GALK2: variants seen among roughly 807,000 people sequenced by gnomAD.
The protein encoded by GALK2 is galactokinase 2, also known as N-acetylgalactosamine kinase.
Under a neutral mutation model 52.4 loss-of-function variants are expected in GALK2, and 36 were observed. The ratio of observed to expected loss-of-function variants is 0.69; its 90% CI spans 0.53 to 0.91. The LOEUF (loss-of-function observed/expected upper bound fraction) is 0.91, where lower values mean the gene tolerates loss of function less well. Among genes scored for constraint, GALK2 ranks in the 40% least tolerant of loss-of-function variants. The pLI is 0.00. For missense variants in GALK2, 579 were observed against 559.1 expected (o/e 1.04, Z -0.36); for synonymous variants, 176 against 199.1 (o/e 0.88, Z 0.98).
rs775325553 is a variant in GALK2 at position 49,201,165 on chromosome 15, A to T, written c.57A>T (p.Leu19Phe). 6.3e-7 allele frequency: 1 copy of T among 1,578,422 alleles called. No individual in the cohort carries two copies. The highest frequency in any genetic ancestry group is 1.3e-5 in the African/African-American group (1 of 74,118). The change falls in exon 2 of 10, where the codon TTA becomes TTT. Residue 19 changes from leucine (L) to phenylalanine (F), a missense_variant. Coordinates refer to ENST00000560031, the MANE Select transcript of GALK2 (RefSeq NM_002044.4). ...AATATTGTACTTTTATTTTCAGGTT[A>T]CTGAAGCTAAAGGAGATGTTTAACT... ...RRVQVAEHPR[L>F]LKLKEMFNSK...
intron 3 of GALK2, among the ~76,000 whole-genome samples, chr15:49,340,424 CT>C (rs1391682987): frequency 7.7e-6 from 1 of 129,952 alleles, no homozygotes; most frequent in African/African-American, 2.9e-5. Context: ...CCCCCCCCCG[CT>C]TTGCCTCGCC....
At chr15:49,262,269 A>G (rs574119125) in intron 5 of GALK2, among the ~76,000 whole-genome samples, 3 of 152,270 alleles carry the variant, frequency 2.0e-5, no homozygotes, top group Admixed American at 1.3e-4. Flanking sequence ...CTTTTCAGAG[A>G]TTCAACTTCT....
At chr15:49,340,943 T>C (rs2040631872) in intron 3 of GALK2, among the ~76,000 whole-genome samples, 2 of 152,336 alleles carry the variant, frequency 1.3e-5, no homozygotes, top group African/African-American at 4.8e-5. Context: ...TTTTTGTATA[T>C]GATGAAAGGA....
intron 9 of GALK2, chr15:49,327,089 C>A (rs1012107515): frequency 6.6e-6 from 1 of 152,150 alleles, no homozygotes; most frequent in Non-Finnish European, 1.5e-5. Flanking sequence ...GCTAAGTGAT[C>A]TGTGTACATT....
At chr15:49,208,010 TG>T (rs1372642141) in intron 2 of GALK2, among the ~76,000 whole-genome samples, 3 of 152,202 alleles carry the variant, frequency 2.0e-5, no homozygotes, top group Non-Finnish European at 2.9e-5. Context: ...TGACCTCAGG[TG>T]GTCCACCCGC....
In GALK2 at chr15:49,218,435, C is replaced by T. The variant is rs138391777; in HGVS notation, c.266+1122C>T. On this transcript the variant is annotated intron_variant, in intron 3 of 9. Coordinates refer to ENST00000560031, the MANE Select transcript of GALK2 (RefSeq NM_002044.4). ...AATAATGAATATGTGGTTTCAGTTTCGTTTTTCACAAAAGTAGATCCTGAG... is the reference window on the plus strand; with the variant it reads ...AATAATGAATATGTGGTTTCAGTTTTGTTTTTCACAAAAGTAGATCCTGAG... 1.9e-3 allele frequency among the ~76,000 whole-genome samples: 283 copies of T among 152,200 alleles called. 2 individuals are homozygous for T. The highest frequency in any genetic ancestry group is 6.3e-3 in the African/African-American group (261 of 41,536).
At chr15:49,196,840 A>G (rs1271372002) in intron 1 of GALK2, among the ~76,000 whole-genome samples, 1 of 152,246 alleles carries the variant, frequency 6.6e-6, no homozygotes, top group Non-Finnish European at 1.5e-5. Flanking sequence ...ATTAAGAAAT[A>G]TCCTTCTGGT....
upstream of GALK2, chr15:49,170,040 G>A (rs2084956600): frequency 6.3e-6 from 3 of 478,126 alleles, no homozygotes; most frequent in South Asian, 3.0e-5. Context: ...CGTGCTCTGC[G>A]CAGGGGCTCC....
chr15:49,354,892 T>G (rs1254909525), intron 3 of GALK2, among the ~76,000 whole-genome samples: 2 of 152,070 alleles, frequency 1.3e-5, no homozygotes, highest in Admixed American at 6.5e-5. Context: ...GCTGGAGATC[T>G]GAGAACGGGC....
At chr15:49,163,704 A>G (rs998714395) in intron 1 of GALK2, among the ~76,000 whole-genome samples, 3 of 152,324 alleles carry the variant, frequency 2.0e-5, no homozygotes, top group Non-Finnish European at 4.4e-5. Flanking sequence ...TTGTATTACA[A>G]TTATTTCCAT....
chr15:49,234,246 A>G (rs2090666948), intron 3 of GALK2, among the ~76,000 whole-genome samples: 2 of 151,846 alleles, frequency 1.3e-5, no homozygotes, highest in South Asian at 4.1e-4. Flanking sequence ...ATTTTTTTTG[A>G]CTTTCAAAGA....
At chr15:49,279,176 G>T (rs1267050906) in intron 5 of GALK2, among the ~76,000 whole-genome samples, 3 of 152,182 alleles carry the variant, frequency 2.0e-5, no homozygotes, top group African/African-American at 7.2e-5. Context: ...GGTTGTGTGA[G>T]AAATAAATAA....
intron 5 of GALK2, among the ~76,000 whole-genome samples, chr15:49,258,829 T>TGTGAGA (rs1335491479): frequency 1.8e-4 from 22 of 124,124 alleles, no homozygotes; most frequent in African/African-American, 6.4e-4. Context: ...TGTGTGTGTG[T>TGTGAGA]GAGAGAGAGA....
chr15:49,218,364 G>A (rs3098619), intron 3 of GALK2, among the ~76,000 whole-genome samples: 89,405 of 151,996 alleles, frequency 0.59, 26,448 homozygotes, highest in Admixed American at 0.66. Context: ...TCGGTGCATA[G>A]TATTTTGTCA....
At chr15:49,222,960 G>C (rs767274996) in intron 3 of GALK2, among the ~76,000 whole-genome samples, 2 of 152,174 alleles carry the variant, frequency 1.3e-5, no homozygotes, top group Non-Finnish European at 2.9e-5. Context: ...AAGAGGATTG[G>C]TATTTGTTCT....
intron 5 of GALK2, among the ~76,000 whole-genome samples, chr15:49,244,018 T>A (rs1195900759): frequency 6.6e-6 from 1 of 151,872 alleles, no homozygotes; most frequent in East Asian, 1.9e-4. Context: ...AGCTGGACAA[T>A]AAGAGAGAAA....
intron 3 of GALK2, among the ~76,000 whole-genome samples, chr15:49,346,465 A>G (rs982915628): frequency 6.6e-6 from 1 of 152,120 alleles, no homozygotes; most frequent in Non-Finnish European, 1.5e-5. Context: ...CCTAAGCCTT[A>G]TTTTAGGGGA....
intron 8 of GALK2, among the ~76,000 whole-genome samples, chr15:49,309,172 C>T (rs1480645503): frequency 6.6e-6 from 1 of 152,190 alleles, no homozygotes; most frequent in Non-Finnish European, 1.5e-5. Context: ...ATGATTTTGG[C>T]AGTGTTCTTC....
chr15:49,354,680 C>CT (rs1001553722), intron 3 of GALK2, among the ~76,000 whole-genome samples: 33 of 152,234 alleles, frequency 2.2e-4, no homozygotes, highest in African/African-American at 7.7e-4. Flanking sequence ...CCCGCCATTG[C>CT]CCAGGCTTGA....
Sources: allele counts gnomAD v4.1 joint callset (sites outside exome capture counted in the v4.1 genomes callset), GRCh38; gene constraint gnomAD v4.1.1; transcripts MANE v1.5; gene names NCBI Gene and HGNC (gene_info 2026-07-23, HGNC 2026-07-21).